The following ARL15 variants were observed in gnomAD, a reference collection of about 807,000 sequenced individuals.
The protein encoded by ARL15 is ARF like GTPase 15, also known as ADP-ribosylation factor-like protein 15.
Under a neutral mutation model 25.2 loss-of-function variants are expected in ARL15, and 19 were observed. The ratio of observed to expected loss-of-function variants is 0.75; its 90% CI spans 0.53 to 1.10. ARL15 has a LOEUF of 1.10. Among genes scored for constraint, ARL15 ranks in the 50% least tolerant of loss-of-function variants. The pLI, the probability that ARL15 is intolerant of heterozygous loss-of-function variation, is 0.00. For missense variants in ARL15, 220 were observed against 246.0 expected, an observed-to-expected ratio of 0.89 and a Z score of 0.71; for synonymous variants, 94 against 86.8, an observed-to-expected ratio of 1.08 and a Z score of -0.46.
intron 4 of ARL15, among the ~76,000 whole-genome samples, chr5:54,099,229 C>G (rs1030505770): frequency 6.6e-6 from 1 of 151,962 alleles, no homozygotes; most frequent in Non-Finnish European, 1.5e-5. Context: ...ATAACAGTAC[C>G]GCAAACTTGA....
intron 4 of ARL15, among the ~76,000 whole-genome samples, chr5:53,993,057 AG>A (rs1748557731): frequency 6.6e-6 from 1 of 151,900 alleles, no homozygotes; most frequent in Admixed American, 6.6e-5. Context: ...AAAAAAAAAA[AG>A]AAGTTAAAAA....
intron 2 of ARL15, among the ~76,000 whole-genome samples, chr5:54,160,256 C>G (rs1754365053): frequency 6.6e-6 from 1 of 152,208 alleles, no homozygotes; most frequent in Non-Finnish European, 1.5e-5. Context: ...ATATCAAAAT[C>G]TGACTTTCTA....
chr5:53,974,694 T>A (rs1580132491), intron 4 of ARL15, among the ~76,000 whole-genome samples: 1 of 152,212 alleles, frequency 6.6e-6, no homozygotes, highest in African/African-American at 2.4e-5. Flanking sequence ...AAAAACTATG[T>A]CCTTATAGAT....
chr5:54,107,737 G>GT, intron 4 of ARL15, among the ~76,000 whole-genome samples: 1 of 152,136 alleles, frequency 6.6e-6, no homozygotes, highest in Non-Finnish European at 1.5e-5. Context: ...AGGAATGGGG[G>GT]TTTTAAAAGA....
chr5:53,931,097 T>A (rs955800773), intron 4 of ARL15, among the ~76,000 whole-genome samples: 3 of 152,220 alleles, frequency 2.0e-5, no homozygotes, highest in Non-Finnish European at 4.4e-5. Context: ...AAGTCAGCTT[T>A]ATTTGGCCTA....
intron 4 of ARL15, among the ~76,000 whole-genome samples, chr5:54,065,802 CATT>C (rs1449244424): frequency 6.6e-6 from 1 of 152,020 alleles, no homozygotes; most frequent in Non-Finnish European, 1.5e-5. Flanking sequence ...TAAAACCTCT[CATT>C]AATAATTTTC....
chr5:54,305,151 C>G (rs1758723182), intron 1 of ARL15, among the ~76,000 whole-genome samples: 1 of 152,128 alleles, frequency 6.6e-6, no homozygotes, highest in South Asian at 2.1e-4. Flanking sequence ...GTCAAGTCCA[C>G]CAGTCTATAC....
rs200725275 is a variant in ARL15, at chr5:54,058,526, T to C, written c.462+54676A>G. Among the ~76,000 whole-genome samples, 6 of 152,258 alleles carry C rather than the reference T, an allele frequency of 3.9e-5. No individual in the cohort carries two copies. The East Asian group carries it at 9.6e-4, about 24-fold the overall frequency. The stretch of plus-strand genomic sequence containing the variant: ...ATAAACAGCAACAAACAAATGAATA[T>C]GTAATATGTGAGAAGGAAATACGTG... On this transcript the variant is annotated intron_variant, in intron 4 of 4. Transcript: ENST00000504924.
chr5:54,306,359 G>C (rs1758753477), intron 1 of ARL15, among the ~76,000 whole-genome samples: 1 of 151,118 alleles, frequency 6.6e-6, no homozygotes, highest in Non-Finnish European at 1.5e-5. Flanking sequence ...AGGTATAAAA[G>C]TAACATCAGC....
At chr5:53,916,221 G>A (rs1447779078) in intron 4 of ARL15, among the ~76,000 whole-genome samples, 1 of 149,958 alleles carries the variant, frequency 6.7e-6, no homozygotes, top group Non-Finnish European at 1.5e-5. Context: ...AAAATACCCA[G>A]AACAGATTTA....
chr5:54,285,352 G>T, intron 1 of ARL15: 2 of 886,948 alleles, frequency 2.3e-6, no homozygotes, highest in Non-Finnish European at 2.7e-6. Context: ...GTTTATTGTT[G>T]TTTTCCCTAA....
At chr5:53,946,942 T>C (rs1352897607) in intron 4 of ARL15, among the ~76,000 whole-genome samples, 1 of 152,208 alleles carries the variant, frequency 6.6e-6, no homozygotes, top group East Asian at 1.9e-4. Flanking sequence ...AACTCTATTA[T>C]AAAGCTGTAT....
chr5:54,203,810 A>G (rs1755785210), intron 1 of ARL15, among the ~76,000 whole-genome samples: 1 of 152,142 alleles, frequency 6.6e-6, no homozygotes, highest in Admixed American at 6.5e-5. Flanking sequence ...AAGAACAAAA[A>G]GGGTTGGTTG....
intron 1 of ARL15, among the ~76,000 whole-genome samples, chr5:54,299,625 C>G (rs947540235): frequency 7.1e-5 from 8 of 112,958 alleles, no homozygotes; most frequent in Admixed American, 2.6e-4. Flanking sequence ...GAGTCTCGCT[C>G]TGTCGCCAGG....
chr5:54,015,018 C>T (rs185779237), intron 4 of ARL15, among the ~76,000 whole-genome samples: 6 of 152,068 alleles, frequency 3.9e-5, no homozygotes, highest in South Asian at 2.1e-4. Flanking sequence ...CCAGGCCAGG[C>T]GCGGTGGCTC....
chr5:54,028,158 T>C (rs1749846295), intron 4 of ARL15, among the ~76,000 whole-genome samples: 1 of 152,132 alleles, frequency 6.6e-6, no homozygotes, highest in Non-Finnish European at 1.5e-5. Context: ...CCTGAACTTG[T>C]GATCCGCCTG....
At chr5:54,205,540 G>A (rs968766340) in intron 1 of ARL15, among the ~76,000 whole-genome samples, 35 of 152,256 alleles carry the variant, frequency 2.3e-4, no homozygotes, top group African/African-American at 6.7e-4. Flanking sequence ...GACACTTACC[G>A]AAGAGCAGTT....
At chr5:54,068,958 T>C (rs1751329921) in intron 4 of ARL15, among the ~76,000 whole-genome samples, 1 of 152,202 alleles carries the variant, frequency 6.6e-6, no homozygotes, top group Non-Finnish European at 1.5e-5. Flanking sequence ...TAGTACCTAA[T>C]ACGATACACA....
At chr5:54,137,303 T>C (rs533186988) in intron 3 of ARL15, among the ~76,000 whole-genome samples, 21 of 152,264 alleles carry the variant, frequency 1.4e-4, no homozygotes, top group African/African-American at 4.8e-4. Context: ...ACCTGCCCCA[T>C]TGAACTCCCT....
Sources: gnomAD v4.1 joint callset for allele counts (sites outside exome capture counted in the v4.1 genomes callset) on GRCh38, gnomAD v4.1.1 for gene constraint, MANE v1.5 for transcripts, NCBI Gene and HGNC (gene_info 2026-07-23, HGNC 2026-07-21) for gene names.